TSPAN16: variants seen among roughly 807,000 people sequenced by gnomAD.
TSPAN16 encodes tetraspanin 16.
TSPAN16 carries 23 observed loss-of-function variants against 25.2 expected under a neutral mutation model. The observed-to-expected ratio is 0.91, with a 90% CI of 0.66 to 1.29. The LOEUF is 1.29. Ranked by LOEUF, TSPAN16 falls within the 50% of genes most tolerant of loss-of-function variation. The pLI is 0.00. For synonymous variants in TSPAN16, 123 were observed against 124.4 expected, an observed-to-expected ratio of 0.99 and a Z score of 0.08; for missense variants, 272 against 299.9, an observed-to-expected ratio of 0.91 and a Z score of 0.69.
intron 5 of TSPAN16, among the ~76,000 whole-genome samples, chr19:11,307,164 G>A (rs949668017): frequency 2.0e-5 from 3 of 151,628 alleles, no homozygotes; most frequent in Non-Finnish European, 4.4e-5. Flanking sequence ...GTGTCTCCCA[G>A]GCTGGAGTGC....
chr19:11,305,224 G>T (rs1352059550), intron 4 of TSPAN16, among the ~76,000 whole-genome samples: 1 of 151,984 alleles, frequency 6.6e-6, no homozygotes, highest in Admixed American at 6.6e-5. Flanking sequence ...GTTTTTGTTA[G>T]GGTACAAAAA....
At chr19:11,303,450 A>T (rs2080588890) in intron 4 of TSPAN16, among the ~76,000 whole-genome samples, 1 of 142,940 alleles carries the variant, frequency 7.0e-6, no homozygotes, top group African/African-American at 2.7e-5. Context: ...GCCTAGGAAA[A>T]CCAGAGACCT....
chr19:11,310,218 T>C (rs531468761), intron 5 of TSPAN16, among the ~76,000 whole-genome samples: 4 of 152,144 alleles, frequency 2.6e-5, no homozygotes, highest in African/African-American at 7.2e-5. Flanking sequence ...AGGGAGCTAC[T>C]CTGGAAGTGC....
intron 3 of TSPAN16, among the ~76,000 whole-genome samples, chr19:11,299,594 C>G (rs1432220942): frequency 6.6e-6 from 1 of 152,226 alleles, no homozygotes; most frequent in East Asian, 1.9e-4. Flanking sequence ...AGCTTCAGCA[C>G]TTTGACCTGG....
chr19:11,315,674 A>G (rs1034886568), intron 6 of TSPAN16, 117 bp from the exon 7 acceptor site: 2 of 795,014 alleles, frequency 2.5e-6, no homozygotes, highest in Non-Finnish European at 3.4e-6. Context: ...CCATCTGTAA[A>G]ACCCTGCCCC....
rs1218348182 is a variant in TSPAN16, at chr19:11,296,231, GA to G, written c.-64del. 2.4e-5 allele frequency: 37 copies of G among 1,534,694 alleles called. No homozygotes were observed. The African/African-American group carries it at 4.5e-4, about 19-fold the overall frequency. On this transcript the variant is annotated 5_prime_UTR_variant, in exon 1 of 7. Coordinates refer to ENST00000590327, the MANE Select transcript of TSPAN16 (RefSeq NM_001282509.2). ...CTTCCTCAGATCCCTATCATCTTGG[GA>G]AACAGTAGCCCAGAGGTTCAGGAAG...
rs375821432 is a variant in TSPAN16 at position 11,298,537 on chromosome 19, C to T, written c.267+198C>T. Among the ~76,000 whole-genome samples, 134 of 151,856 alleles carry T rather than the reference C, an allele frequency of 8.8e-4. 3 individuals carry two copies. The South Asian group carries it at 0.026, about 29-fold the overall frequency. On this transcript the variant is annotated intron_variant, in intron 2 of 6. Transcript: ENST00000590327. ...GCAACCTCTGCCTCCCAGGTTCAAG[C>T]GATTCTCCTGCCTCAGCCTCCCGAG... is the stretch of plus-strand genomic sequence containing the variant.
chr19:11,298,435 A>ATTT (rs34774674), intron 2 of TSPAN16, 96 bp downstream of exon 2: 51 of 948,324 alleles, frequency 5.4e-5, no homozygotes, highest in Non-Finnish European at 6.5e-5. Context: ...GGTGTCACCT[A>ATTT]TTTTTTTTTT....
Position 11,302,528 on chromosome 19 carries a change from C to CAAA in TSPAN16, c.450+1241_450+1243dup, listed in dbSNP as rs71164181. Among the ~76,000 whole-genome samples the CAAA allele has an allele frequency of 7.1e-3, 348 of 49,274 alleles. 11 individuals are homozygous for CAAA. The highest frequency in any genetic ancestry group is 0.026 in the African/African-American group (332 of 12,628). 32.3% of individuals were successfully genotyped at this position (49,274 alleles called of 152,430 possible). On this transcript the variant is annotated intron_variant, in intron 4 of 6. Coordinates refer to ENST00000590327, the MANE Select transcript of TSPAN16 (RefSeq NM_001282509.2). ...TGGGCAACAGAGTGAGGCTCCATCT[C>CAAA]AAAAAAAAAAAAAAAAAAAAAAAGG...
chr19:11,312,701 G>A (rs2080706254), intron 6 of TSPAN16, among the ~76,000 whole-genome samples: 1 of 152,002 alleles, frequency 6.6e-6, no homozygotes, highest in Non-Finnish European at 1.5e-5. Context: ...GGATATCAAG[G>A]CTAGTGAGGC....
At chr19:11,320,580 G>A (rs904251672), downstream of TSPAN16, among the ~76,000 whole-genome samples, 2 of 152,058 alleles carry the variant, frequency 1.3e-5, no homozygotes, top group Admixed American at 6.6e-5. Flanking sequence ...GGCTGAAGTG[G>A]GAGGATCCTT....
intron 1 of TSPAN16, among the ~76,000 whole-genome samples, chr19:11,296,748 G>A (rs1327187291): frequency 6.6e-6 from 1 of 152,208 alleles, no homozygotes. Flanking sequence ...CATTGCTAAG[G>A]AATTGTCAGG....
intron 5 of TSPAN16, among the ~76,000 whole-genome samples, chr19:11,308,232 A>G (rs992532142): frequency 6.6e-6 from 1 of 152,158 alleles, no homozygotes. Flanking sequence ...GAGCACAGAG[A>G]TCTTCTCTGA....
chr19:11,318,799 A>G (rs1001337647), downstream of TSPAN16, among the ~76,000 whole-genome samples: 12 of 151,856 alleles, frequency 7.9e-5, no homozygotes, highest in African/African-American at 2.9e-4. Flanking sequence ...GGTGCCCGCC[A>G]CCACACACGG....
At chr19:11,319,335 T>C (rs563329445), downstream of TSPAN16, among the ~76,000 whole-genome samples, 11 of 152,198 alleles carry the variant, frequency 7.2e-5, no homozygotes, top group South Asian at 4.1e-4. Context: ...CGCAGTGGCT[T>C]ATGCCTGTAA....
intron 5 of TSPAN16, among the ~76,000 whole-genome samples, chr19:11,310,515 CAAAA>C (rs71164183): frequency 1.1e-4 from 13 of 117,036 alleles, no homozygotes; most frequent in African/African-American, 3.0e-4. Flanking sequence ...AATTCCGTCT[CAAAA>C]AAAAAAAAAA....
intron 4 of TSPAN16, among the ~76,000 whole-genome samples, chr19:11,305,061 G>A (rs2080610936): frequency 6.6e-6 from 1 of 152,082 alleles, no homozygotes; most frequent in Non-Finnish European, 1.5e-5. Flanking sequence ...TGGGATTATA[G>A]GCATGAGTCA....
intron 6 of TSPAN16, chr19:11,326,682 C>T: frequency 4.7e-6 from 3 of 644,918 alleles, no homozygotes; most frequent in East Asian, 2.9e-5. Flanking sequence ...TGGCTCATTG[C>T]AGCCTCAACC....
At chr19:11,306,494 C>T in intron 4 of TSPAN16, 110 bp from the exon 5 acceptor site, 2 of 1,314,752 alleles carry the variant, frequency 1.5e-6, no homozygotes, top group Middle Eastern at 2.7e-4. Context: ...ATGTTTAGCA[C>T]AGTCTCTGGG....
Sources: gnomAD v4.1 joint callset for allele counts (sites outside exome capture counted in the v4.1 genomes callset) on GRCh38, gnomAD v4.1.1 for gene constraint, MANE v1.5 for transcripts, NCBI Gene and HGNC (gene_info 2026-07-23, HGNC 2026-07-21) for gene names.